Variants in MRRF observed in about 807,000 individuals in gnomAD.
MRRF encodes mitochondrial ribosome recycling factor.
Under a neutral mutation model 25.1 loss-of-function variants are expected in MRRF, and 18 were observed. The ratio of observed to expected loss-of-function variants is 0.72; its 90% CI spans 0.50 to 1.06. The LOEUF (loss-of-function observed/expected upper bound fraction) is 1.06. Ranked by LOEUF, MRRF falls within the 50% of genes least tolerant of loss-of-function variation. The pLI, the probability that MRRF is intolerant of heterozygous loss-of-function variation, is 0.00. For synonymous variants in MRRF, 113 were observed against 112.1 expected (o/e 1.01, Z -0.05); for missense variants, 323 against 319.3 (o/e 1.01, Z -0.09).
At chr9:122,267,082 AAAG>A (rs1587993474) in intron 1 of MRRF, among the ~76,000 whole-genome samples, 2 of 150,738 alleles carry the variant, frequency 1.3e-5, no homozygotes, top group East Asian at 1.9e-4. Context: ...AAAAAAAAAA[AAAG>A]AAAAAAAATT....
intron 2 of MRRF, among the ~76,000 whole-genome samples, chr9:122,273,950 T>G (rs1388533314): frequency 6.6e-6 from 1 of 152,222 alleles, no homozygotes; most frequent in Non-Finnish European, 1.5e-5. Context: ...ACATTTGGGT[T>G]GTTTCCAGTT....
chr9:122,269,438 T>G (rs895204921), intron 1 of MRRF, among the ~76,000 whole-genome samples: 1 of 151,466 alleles, frequency 6.6e-6, no homozygotes, highest in African/African-American at 2.4e-5. Flanking sequence ...CATAAAAGTT[T>G]TAGAGGCCGG....
At chr9:122,280,228 T>C in intron 2 of MRRF, among the ~76,000 whole-genome samples, 1 of 152,262 alleles carries the variant, frequency 6.6e-6, no homozygotes, top group East Asian at 1.9e-4. Flanking sequence ...CTGGGGTGTC[T>C]GATTATAAAG....
chr9:122,321,609 G>T (rs1025166185), intron 6 of MRRF, among the ~76,000 whole-genome samples: 2 of 152,112 alleles, frequency 1.3e-5, no homozygotes, highest in Non-Finnish European at 2.9e-5. Context: ...ATCATAGCTT[G>T]CTGGCATTGA....
chr9:122,317,854 T>C (rs929827591), intron 6 of MRRF, among the ~76,000 whole-genome samples: 1 of 152,168 alleles, frequency 6.6e-6, no homozygotes, highest in Non-Finnish European at 1.5e-5. Context: ...AATGAAATGA[T>C]AGGCTGGGCG....
intron 5 of MRRF, among the ~76,000 whole-genome samples, chr9:122,297,853 G>A (rs1834191804): frequency 6.6e-6 from 1 of 152,192 alleles, no homozygotes; most frequent in Non-Finnish European, 1.5e-5. Context: ...TGACCCCTCT[G>A]TTGGTACTTA....
chr9:122,278,562 ATTCT>A (rs1832912411), intron 2 of MRRF, among the ~76,000 whole-genome samples: 1 of 151,928 alleles, frequency 6.6e-6, no homozygotes, highest in Non-Finnish European at 1.5e-5. Context: ...GTGTGTGTTC[ATTCT>A]TTCTCATGGT....
intron 4 of MRRF, among the ~76,000 whole-genome samples, chr9:122,289,670 T>C (rs1014959875): frequency 6.6e-6 from 1 of 152,114 alleles, no homozygotes; most frequent in Non-Finnish European, 1.5e-5. Context: ...TTCAGCTCTT[T>C]TATTACCTTG....
At chr9:122,290,391 A>G (rs1396891169) in intron 4 of MRRF, among the ~76,000 whole-genome samples, 5 of 152,308 alleles carry the variant, frequency 3.3e-5, no homozygotes, top group Admixed American at 1.3e-4. Flanking sequence ...TATTTTAAGA[A>G]TGTACTATTT....
intron 3 of MRRF, among the ~76,000 whole-genome samples, chr9:122,281,397 A>G (rs890390481): frequency 1.3e-5 from 2 of 152,242 alleles, no homozygotes; most frequent in Non-Finnish European, 2.9e-5. Flanking sequence ...AGGATAGTTC[A>G]TAAGAAAACT....
chr9:122,292,274 C>A (rs1833825398), intron 5 of MRRF, among the ~76,000 whole-genome samples: 1 of 152,068 alleles, frequency 6.6e-6, no homozygotes, highest in Non-Finnish European at 1.5e-5. Flanking sequence ...AAAGAACCAG[C>A]CTAGGGGAGA....
At chr9:122,278,098 T>C (rs1480322617) in intron 2 of MRRF, among the ~76,000 whole-genome samples, 2 of 152,124 alleles carry the variant, frequency 1.3e-5, no homozygotes, top group Non-Finnish European at 2.9e-5. Context: ...TTTTTCCTTT[T>C]TTCTTCTTCT....
chr9:122,290,519 C>A (rs1471043995), intron 4 of MRRF, among the ~76,000 whole-genome samples: 1 of 152,064 alleles, frequency 6.6e-6, no homozygotes, highest in Non-Finnish European at 1.5e-5. Context: ...GTAGCCGTAG[C>A]AGTAAGGTTA....
intron 3 of MRRF, among the ~76,000 whole-genome samples, chr9:122,284,526 A>AG (rs1351770263): frequency 6.6e-6 from 1 of 152,176 alleles, no homozygotes; most frequent in Non-Finnish European, 1.5e-5. Flanking sequence ...AACTCACCTG[A>AG]GGTTTCATAG....
intron 5 of MRRF, among the ~76,000 whole-genome samples, chr9:122,295,152 G>GC (rs1218177697): frequency 1.3e-5 from 2 of 152,148 alleles, no homozygotes; most frequent in African/African-American, 4.8e-5. Context: ...TACAGGACTT[G>GC]CCATATATGC....
chr9:122,309,462 C>T (rs1406484368), intron 5 of MRRF, among the ~76,000 whole-genome samples: 2 of 151,992 alleles, frequency 1.3e-5, no homozygotes, highest in Non-Finnish European at 2.9e-5. Flanking sequence ...ATATGCTATT[C>T]CCTGTGGTGA....
chr9:122,304,602 T>C (rs997701081), intron 5 of MRRF, among the ~76,000 whole-genome samples: 1 of 152,224 alleles, frequency 6.6e-6, no homozygotes, highest in Non-Finnish European at 1.5e-5. Flanking sequence ...CCTTGTATCA[T>C]GCACCTATTT....
intron 6 of MRRF, among the ~76,000 whole-genome samples, chr9:122,314,507 A>G (rs1332869138): frequency 6.6e-6 from 1 of 152,212 alleles, no homozygotes. Context: ...TCTCTACCAA[A>G]GTACCTTAAT....
chr9:122,309,166 A>G (rs956453889), intron 5 of MRRF, among the ~76,000 whole-genome samples: 1 of 152,166 alleles, frequency 6.6e-6, no homozygotes, highest in Non-Finnish European at 1.5e-5. Flanking sequence ...GGCATATTTC[A>G]CTTAGCATAA....
Sources: allele counts gnomAD v4.1 joint callset (sites outside exome capture counted in the v4.1 genomes callset), GRCh38; gene constraint gnomAD v4.1.1; transcripts MANE v1.5; gene names NCBI Gene and HGNC (gene_info 2026-07-23, HGNC 2026-07-21).